The following SYT12 variants were observed in gnomAD, a reference collection of about 807,000 sequenced individuals.
The protein encoded by SYT12 is synaptotagmin 12, also known as synaptotagmin-12.
Under a neutral mutation model 39.5 loss-of-function variants are expected in SYT12, and 27 were observed. That is an observed-to-expected ratio of 0.68 (90% CI 0.50 to 0.94). The LOEUF (loss-of-function observed/expected upper bound fraction) is 0.94. SYT12 is among the 40% of genes least tolerant of loss of function. SYT12 has a pLI of 0.00. For synonymous variants in SYT12, 233 were observed against 239.7 expected (o/e 0.97, Z 0.26); for missense variants, 536 against 572.6 (o/e 0.94, Z 0.65).
At chr11:67,026,358 C>A (rs1950180631) in intron 1 of SYT12, among the ~76,000 whole-genome samples, 1 of 152,098 alleles carries the variant, frequency 6.6e-6, no homozygotes, top group Non-Finnish European at 1.5e-5. Context: ...CTGCAACCTC[C>A]ACCTCCTAGG....
rs912576391 is a variant in SYT12 at position 67,023,415 on chromosome 11, G to T, written c.-69G>T. On this transcript the variant is annotated 5_prime_UTR_variant, in exon 1 of 8. Transcript: ENST00000527043. ...GCGTGCGCGCTGCGGGAGGCGGGCC[G>T]GCAGCTGGAGCCCAGCCGGAGCGGC... is the stretch of plus-strand genomic sequence containing the variant. 2.7e-5 allele frequency: 4 copies of T among 150,482 alleles called. No homozygotes were observed. The highest frequency in any genetic ancestry group is 9.7e-5 in the African/African-American group (4 of 41,222). 9.3% of individuals were successfully genotyped at this position (150,482 alleles called of 1,614,324 possible).
At chr11:67,038,681 AT>A (rs1950435510) in intron 3 of SYT12, among the ~76,000 whole-genome samples, 1 of 152,094 alleles carries the variant, frequency 6.6e-6, no homozygotes. Context: ...GTCCCTACAA[AT>A]ATACATATTA....
chr11:67,039,935 G>A lies in SYT12; in HGVS notation c.353G>A (p.Arg118Gln), dbSNP rs749131419. The A allele has an allele frequency of 5.0e-5, 80 of 1,613,654 alleles. 1 individual carries two copies. In the South Asian group the frequency reaches 7.7e-4, roughly 16 times the overall value. ...SELGPLELMG[R>Q]ELDLAPYGTL... ...CTGGGGCCTCTGGAGCTGATGGGCC[G>A]GGAGTTGGACCTGGCCCCCTATGGG... The change falls in exon 4 of 8, where the codon CGG becomes CAG. Residue 118 changes from arginine (R) to glutamine (Q), a missense_variant. Coordinates refer to ENST00000527043, the MANE Select transcript of SYT12 (RefSeq NM_177963.4).
rs1950484825 is a variant in SYT12, at chr11:67,040,269, T to C, written c.621+66T>C. On this transcript the variant is annotated intron_variant, in intron 4 of 7. Coordinates refer to ENST00000527043, the MANE Select transcript of SYT12 (RefSeq NM_177963.4). ...TCACTAGATGCCTCCCAGGCAGGCA[T>C]GGCGGTGGGGCCCGGCAGGATCCCA... The C allele has an allele frequency of 4.6e-6, 7 of 1,519,918 alleles. No individual in the cohort carries two copies. The Admixed American group carries it at 1.5e-4, about 33-fold the overall frequency. The allele number at this position is 1,519,918 out of a possible 1,614,324, so 94.2% of individuals were successfully genotyped here.
chr11:67,017,252 T>C (rs1028700327), intron 3 of SYT12, among the ~76,000 whole-genome samples: 1 of 152,108 alleles, frequency 6.6e-6, no homozygotes, highest in Non-Finnish European at 1.5e-5. Context: ...CCGGGTATGG[T>C]GGCTCACACC....
chr11:67,013,692 C>T (rs1247802325), intron 3 of SYT12, among the ~76,000 whole-genome samples: 10 of 152,242 alleles, frequency 6.6e-5, no homozygotes, highest in African/African-American at 1.7e-4. Context: ...GTGTGGCCCC[C>T]GGCGCAGGGC....
intron 7 of SYT12, among the ~76,000 whole-genome samples, chr11:67,046,877 C>T (rs1194996179): frequency 1.3e-5 from 2 of 152,290 alleles, no homozygotes; most frequent in East Asian, 1.9e-4. Context: ...GTAATAGCAA[C>T]GCAACCTCTA....
At chr11:67,007,684 C>G (rs1949982129) in intron 1 of SYT12, among the ~76,000 whole-genome samples, 2 of 151,998 alleles carry the variant, frequency 1.3e-5, no homozygotes, top group Non-Finnish European at 2.9e-5. Flanking sequence ...CCTGCCTCAG[C>G]CTCCAGAGTA....
At chr11:67,017,718 GGGA>G (rs1220482369) in intron 3 of SYT12, among the ~76,000 whole-genome samples, 1 of 151,752 alleles carries the variant, frequency 6.6e-6, no homozygotes, top group Non-Finnish European at 1.5e-5. Context: ...CCAGCACTTT[GGGA>G]GGCCAAGACG....
chr11:67,024,191 C>T lies in SYT12; in HGVS notation c.-24+731C>T, dbSNP rs573178535. Among the ~76,000 whole-genome samples the T allele has an allele frequency of 5.3e-5, 8 of 152,356 alleles. No individual in the cohort carries two copies. The East Asian group carries it at 1.4e-3, about 26-fold the overall frequency. On this transcript the variant is annotated intron_variant, in intron 1 of 7. Coordinates refer to ENST00000527043, the MANE Select transcript of SYT12 (RefSeq NM_177963.4). ...GCTGCAGAGAGACTGTGTGCACCCT[C>T]CTCCATTCCCAAAAGCCTGGGAAAG...
chr11:67,034,944 G>T, intron 3 of SYT12, 106 bp downstream of exon 3: 1 of 804,746 alleles, frequency 1.2e-6, no homozygotes, highest in Non-Finnish European at 1.8e-6. Flanking sequence ...CCTCCTCCTG[G>T]TTAATGTCCT....
At chr11:67,011,352 C>T (rs988694118) in intron 3 of SYT12, among the ~76,000 whole-genome samples, 6 of 152,196 alleles carry the variant, frequency 3.9e-5, no homozygotes, top group Non-Finnish European at 7.3e-5. Flanking sequence ...AAGCAATTCT[C>T]CTACCTCAGC....
intron 3 of SYT12, among the ~76,000 whole-genome samples, chr11:67,017,809 A>G (rs1183346326): frequency 2.7e-5 from 4 of 150,562 alleles, no homozygotes; most frequent in African/African-American, 7.3e-5. Context: ...AAAATACAAA[A>G]ATTAGCTGGG....
rs1380926738 is a variant in SYT12, at chr11:67,039,769, T to A, written c.229-42T>A. 4.5e-6 allele frequency: 7 copies of A among 1,563,650 alleles called. No individual in the cohort carries two copies. In the South Asian group the frequency reaches 8.1e-5, roughly 18 times the overall value. ...TGCCGTCTCCCAGTGACCTTGCCTA[T>A]GGCCCCCATGATGCTCCCACGTCCC... On this transcript the variant is annotated intron_variant, in intron 3 of 7. Transcript: ENST00000527043.
chr11:67,030,238 G>T (rs1950240229), intron 2 of SYT12, 60 bp downstream of exon 2: 1 of 1,584,472 alleles, frequency 6.3e-7, no homozygotes, highest in Non-Finnish European at 8.7e-7. Flanking sequence ...CACCAGGCCT[G>T]GGTGGGAGGT....
At chr11:67,028,175 G>T (rs1001177915) in intron 1 of SYT12, 1 of 152,216 alleles carries the variant, frequency 6.6e-6, no homozygotes, top group African/African-American at 2.4e-5. Context: ...ACCTCATGGG[G>T]CTGTTAGGCA....
intron 6 of SYT12, among the ~76,000 whole-genome samples, 187 bp downstream of exon 6, chr11:67,044,900 G>A (rs1210566824): frequency 3.9e-5 from 6 of 152,206 alleles, no homozygotes; most frequent in African/African-American, 7.2e-5. Context: ...TAATCCAGCC[G>A]GGGAAACATG....
In SYT12 at chr11:67,044,600, A is replaced by G; in HGVS notation, c.845A>G (p.Asp282Gly). ...LYLQDQNKAA[D>G]AVGEILLSLS... Reference sequence around the variant, plus strand: ...CACCTGTCTGTCCCCCAGGCCGCCGATGCTGTGGGGGAGATCCTGCTCTCC... The same window carrying G: ...CACCTGTCTGTCCCCCAGGCCGCCGGTGCTGTGGGGGAGATCCTGCTCTCC... Residue 282 changes from aspartate (D) to glycine (G), a missense_variant, in exon 6 of 8, where the codon GAT becomes GGT. Coordinates refer to ENST00000527043, the MANE Select transcript of SYT12 (RefSeq NM_177963.4). 1 of 1,612,440 alleles carries G rather than the reference A, an allele frequency of 6.2e-7. No homozygotes were observed. Among genetic ancestry groups the G allele is most frequent in the South Asian group, 1.1e-5 (1 of 90,800 alleles).
chr11:67,015,823 G>T (rs1950053702), intron 3 of SYT12, among the ~76,000 whole-genome samples: 1 of 152,184 alleles, frequency 6.6e-6, no homozygotes, highest in African/African-American at 2.4e-5. Context: ...CCATGTGAGT[G>T]CAGGAGGGTC....
Sources: allele counts gnomAD v4.1 joint callset (sites outside exome capture counted in the v4.1 genomes callset), GRCh38; gene constraint gnomAD v4.1.1; transcripts MANE v1.5; gene names NCBI Gene and HGNC (gene_info 2026-07-23, HGNC 2026-07-21).